LYSMD2: variants seen among roughly 807,000 people sequenced by gnomAD.
The protein encoded by LYSMD2 is lysM and putative peptidoglycan-binding domain-containing protein 2.
Under a neutral mutation model 17.7 loss-of-function variants are expected in LYSMD2, and 6 were observed. The observed-to-expected ratio is 0.34, with a 90% CI of 0.19 to 0.67. The LOEUF (loss-of-function observed/expected upper bound fraction) is 0.67, where lower values mean the gene tolerates loss of function less well. Among genes scored for constraint, LYSMD2 ranks in the 30% least tolerant of loss-of-function variants. The probability of loss-of-function intolerance (pLI) is 0.69; values close to 1 mark genes in which losing one functional copy is unlikely to be tolerated. For synonymous variants in LYSMD2, 102 were observed against 129.8 expected (o/e 0.79, Z 1.45); for missense variants, 237 against 286.7 (o/e 0.83, Z 1.25).
intron 1 of LYSMD2, among the ~76,000 whole-genome samples, chr15:51,748,952 A>G (rs999373205): frequency 6.6e-6 from 1 of 152,254 alleles, no homozygotes; most frequent in African/African-American, 2.4e-5. Context: ...ATACTTCATT[A>G]TAACTGCCAC....
At position 51,731,552 on chromosome 15, in the gene LYSMD2, GA is replaced by G. The variant is rs558486778; in HGVS notation, c.273+5797del. On this transcript the variant is annotated intron_variant, in intron 1 of 2. Coordinates refer to ENST00000267838, the MANE Select transcript of LYSMD2 (RefSeq NM_153374.3). ...TTAGCAGCTAATTGGCAGAGGAAGA[GA>G]AAATCCTGGGAATAAAACTGGCTAG... is the stretch of plus-strand genomic sequence containing the variant. Among the ~76,000 whole-genome samples, 13 of 152,342 alleles carry G rather than the reference GA, an allele frequency of 8.5e-5. No individual in the cohort carries two copies. The East Asian group carries it at 2.5e-3, about 29-fold the overall frequency.
In LYSMD2 at chr15:51,745,459, G is replaced by T. The variant is rs1352581705; in HGVS notation, c.-1+5812C>A. Among the ~76,000 whole-genome samples, 3 of 152,092 alleles carry T rather than the reference G, an allele frequency of 2.0e-5. No individual in the cohort carries two copies. The East Asian group carries it at 5.8e-4, about 29-fold the overall frequency. On this transcript the variant is annotated intron_variant, in intron 1 of 2. Transcript: ENST00000454181. ...GTAAATTTAACACCTGAAAATCAATGTATTACAATATATTAACAGAATAAA... is the reference window on the plus strand; with the variant it reads ...GTAAATTTAACACCTGAAAATCAATTTATTACAATATATTAACAGAATAAA...
intron 1 of LYSMD2, among the ~76,000 whole-genome samples, chr15:51,729,783 T>C (rs1011284375): frequency 6.6e-6 from 1 of 152,222 alleles, no homozygotes; most frequent in African/African-American, 2.4e-5. Context: ...TATACTTCTG[T>C]CTGAACGTAG....
chr15:51,737,990 C>T (rs1257167057), upstream of LYSMD2: 1 of 166,886 alleles, frequency 6.0e-6, no homozygotes, highest in African/African-American at 2.4e-5. This position sits in a 1 kb window ranked among gnomAD's most constrained non-coding sequence, Gnocchi z 4.2. Flanking sequence ...AGGTGGACCC[C>T]TGCTCCATTG....
Position 51,725,896 on chromosome 15 carries a change from A to C in LYSMD2, c.274-775T>G, listed in dbSNP as rs188948820. On this transcript the variant is annotated intron_variant, in intron 1 of 2. Transcript: ENST00000267838. ...AGTACATATGGCTCTTTAAATGTTT[A>C]AAATGGGATTTTTGTCTGACTCCGA... Among the ~76,000 whole-genome samples the C allele has an allele frequency of 1.5e-3, 227 of 152,314 alleles. 1 individual carries two copies. The highest frequency in any genetic ancestry group is 1.2e-3 in the Non-Finnish European group (84 of 68,010).
Position 51,723,559 on chromosome 15 carries a change from T to C in LYSMD2, c.*48A>G, listed in dbSNP as rs1160717891. 7.0e-7 allele frequency: 1 copy of C among 1,435,354 alleles called. No homozygotes were observed. The highest frequency in any genetic ancestry group is 1.1e-5 in the South Asian group (1 of 87,358). The allele number at this position is 1,435,354 out of a possible 1,614,324, so 88.9% of individuals were successfully genotyped here. A position where few individuals can be genotyped will look rare whatever the true frequency, so the allele number is the denominator to read the frequency against. On this transcript the variant is annotated 3_prime_UTR_variant, in exon 3 of 3. Transcript: ENST00000267838. ...GAATCTTCAGTTGTTGGATTCTTTATGGTCCAAACATATCTTAATTTTGGT... is the reference window on the plus strand; with the variant it reads ...GAATCTTCAGTTGTTGGATTCTTTACGGTCCAAACATATCTTAATTTTGGT...
At chr15:51,725,570 G>T (rs372786950) in intron 1 of LYSMD2, among the ~76,000 whole-genome samples, 3 of 152,016 alleles carry the variant, frequency 2.0e-5, no homozygotes. Flanking sequence ...GTATGAACAT[G>T]AGCTTGTTAC....
intron 1 of LYSMD2, among the ~76,000 whole-genome samples, chr15:51,745,452 A>T (rs945164981): frequency 6.6e-6 from 1 of 152,204 alleles, no homozygotes; most frequent in African/African-American, 2.4e-5. Context: ...AACACCTGAA[A>T]ATCAATGTAT....
chr15:51,727,128 C>T (rs2055545121), intron 1 of LYSMD2, among the ~76,000 whole-genome samples: 2 of 152,086 alleles, frequency 1.3e-5, no homozygotes, highest in Admixed American at 1.3e-4. Flanking sequence ...ATGAAGTAAT[C>T]AGAAATGGGT....
At chr15:51,726,297 T>C (rs2055539750) in intron 1 of LYSMD2, among the ~76,000 whole-genome samples, 1 of 152,214 alleles carries the variant, frequency 6.6e-6, no homozygotes, top group Non-Finnish European at 1.5e-5. Context: ...TAGTTCAGGT[T>C]TGAAAGGGTT....
chr15:51,730,234 G>T (rs138154369), intron 1 of LYSMD2, among the ~76,000 whole-genome samples: 75 of 152,342 alleles, frequency 4.9e-4, no homozygotes, highest in African/African-American at 1.7e-3. Flanking sequence ...CCAGCCAGGC[G>T]TGGTGGCTCA....
At chr15:51,749,803 G>A (rs1302663917) in intron 1 of LYSMD2, among the ~76,000 whole-genome samples, 7 of 152,176 alleles carry the variant, frequency 4.6e-5, no homozygotes, top group African/African-American at 1.7e-4. Flanking sequence ...CGGTTACACA[G>A]GACATTCGGA....
chr15:51,751,253 G>C lies in LYSMD2; in HGVS notation c.-1+18C>G, dbSNP rs2055699223. ...CCCACGCCCAGCCAGGAAAACCTGG[G>C]GCGGGCGGGGTCTGTACCTGAGACC... On this transcript the variant is annotated intron_variant, in intron 1 of 2. Transcript: ENST00000454181. The C allele has an allele frequency of 4.3e-6, 3 of 701,852 alleles. No individual in the cohort carries two copies. In the African/African-American group the frequency reaches 5.2e-5, roughly 12 times the overall value. The allele number at this position is 701,852 out of a possible 1,614,324, so 43.5% of individuals were successfully genotyped here.
upstream of LYSMD2, among the ~76,000 whole-genome samples, chr15:51,738,586 T>C (rs575318749): frequency 6.6e-6 from 1 of 152,224 alleles, no homozygotes; most frequent in Non-Finnish European, 1.5e-5. Flanking sequence ...CACTGTATTA[T>C]ACACAGAGTG....
chr15:51,751,298 T>C, exon 1 of LYSMD2: 1 of 702,412 alleles, frequency 1.4e-6, no homozygotes. Flanking sequence ...GCGGCTTCCG[T>C]GTCAGGATGC....
chr15:51,724,505 C>T (rs753272424), intron 2 of LYSMD2, among the ~76,000 whole-genome samples: 64 of 152,076 alleles, frequency 4.2e-4, no homozygotes, highest in Non-Finnish European at 8.1e-4. Flanking sequence ...AACACTGCAA[C>T]AGATAAAGCC....
At position 51,737,467 on chromosome 15, in the gene LYSMD2, G is replaced by A. The variant is rs766184925; in HGVS notation, c.156C>T (p.Tyr52=). 3.5e-5 allele frequency: 50 copies of A among 1,422,614 alleles called. No individual in the cohort carries two copies. The highest frequency in any genetic ancestry group is 5.0e-4 in the Middle Eastern group (2 of 3,986). The allele number at this position is 1,422,614 out of a possible 1,614,324, so 88.1% of individuals were successfully genotyped here. A position where few individuals can be genotyped will look rare whatever the true frequency, so the allele number is the denominator to read the frequency against. Reference sequence around the variant, plus strand: ...GCGCCCGCACGCTGGCGGTGCTGCCGTACGAGCGGGTCTTGGTGCGGGCCA... The same window carrying A: ...GCGCCCGCACGCTGGCGGTGCTGCCATACGAGCGGGTCTTGGTGCGGGCCA... The part of the protein sequence containing the change: ...LSLARTKTRS[Y]GSTASVRAPL... Residue 52 remains tyrosine (Y), a synonymous_variant, in exon 1 of 3, where the codon TAC becomes TAT. Transcript: ENST00000267838. The surrounding 1 kb of genome is among the most constrained non-coding windows in gnomAD (Gnocchi z 4.2).
At chr15:51,744,854 A>T (rs1299578211) in intron 1 of LYSMD2, among the ~76,000 whole-genome samples, 5 of 152,158 alleles carry the variant, frequency 3.3e-5, no homozygotes, top group Non-Finnish European at 1.5e-5. Context: ...AGATCGACAA[A>T]ATTGACAAAC....
chr15:51,723,162 A>G lies in LYSMD2; in HGVS notation c.*445T>C, dbSNP rs1368076509. The G allele has an allele frequency of 6.5e-6, 1 of 153,954 alleles. No homozygotes were observed. The highest frequency in any genetic ancestry group is 1.4e-5 in the Non-Finnish European group (1 of 69,108). 9.5% of individuals were successfully genotyped at this position (153,954 alleles called of 1,614,324 possible). The stretch of plus-strand genomic sequence containing the variant: ...TTGGTTCTTTATATTAATAGAGAAT[A>G]TGTAAGACATATCGAAATATATATA... On this transcript the variant is annotated 3_prime_UTR_variant, in exon 3 of 3. Transcript: ENST00000267838.
Sources: allele counts gnomAD v4.1 joint callset (sites outside exome capture counted in the v4.1 genomes callset), GRCh38; gene constraint gnomAD v4.1.1; non-coding constraint Gnocchi (gnomAD v3.1); transcripts MANE v1.5; gene names NCBI Gene and HGNC (gene_info 2026-07-23, HGNC 2026-07-21).